PDE11A: variants seen among roughly 807,000 people sequenced by gnomAD.
PDE11A encodes the protein dual 3',5'-cyclic-AMP and -GMP phosphodiesterase 11A.
A neutral mutation model predicts 100.5 loss-of-function variants in PDE11A; 100 were observed. The observed-to-expected ratio is 1.00, with a 90% CI of 0.85 to 1.18. The LOEUF (loss-of-function observed/expected upper bound fraction) is 1.18, where lower values mean the gene tolerates loss of function less well. Ranked by LOEUF, PDE11A falls within the 50% of genes most tolerant of loss-of-function variation. The pLI, the probability that PDE11A is intolerant of heterozygous loss-of-function variation, is 0.00. For missense variants in PDE11A, 1,141 were observed against 1,152.6 expected (o/e 0.99, Z 0.15); for synonymous variants, 381 against 420.8 (o/e 0.91, Z 1.16).
chr2:177,698,759 T>G (rs1020449717), intron 14 of PDE11A, among the ~76,000 whole-genome samples: 14 of 152,190 alleles, frequency 9.2e-5, no homozygotes, highest in African/African-American at 3.1e-4. Context: ...AAATGAGCTC[T>G]TCAGACCCTT....
At chr2:178,076,553 C>T (rs76066020), upstream of PDE11A, among the ~76,000 whole-genome samples, 2,557 of 152,282 alleles carry the variant, frequency 0.017, 72 homozygotes, top group African/African-American at 0.058. Context: ...TTCCATCCCA[C>T]CCTTAGCAAC....
At chr2:178,102,784 G>A (rs2087575548) in intron 2 of PDE11A, among the ~76,000 whole-genome samples, 1 of 152,104 alleles carries the variant, frequency 6.6e-6, no homozygotes, top group Non-Finnish European at 1.5e-5. Context: ...CCCAAATAAA[G>A]ATATGTTGAG....
At chr2:177,815,641 A>G (rs1220224405) in intron 9 of PDE11A, among the ~76,000 whole-genome samples, 1 of 152,210 alleles carries the variant, frequency 6.6e-6, no homozygotes, top group Non-Finnish European at 1.5e-5. Flanking sequence ...AGGCATTGCA[A>G]ATAAAAATCC....
At chr2:178,086,618 C>A (rs2087359107) in intron 2 of PDE11A, among the ~76,000 whole-genome samples, 1 of 151,988 alleles carries the variant, frequency 6.6e-6, no homozygotes. Flanking sequence ...GAAAACAAAC[C>A]AAAACTAAAT....
At chr2:177,977,328 C>T (rs2085822663) in intron 2 of PDE11A, among the ~76,000 whole-genome samples, 1 of 147,802 alleles carries the variant, frequency 6.8e-6, no homozygotes, top group Admixed American at 6.7e-5. Context: ...CATGGGTAAA[C>T]TCCCATTCAC....
At position 177,883,398 on chromosome 2, in the gene PDE11A, A is replaced by C. The variant is rs184534839; in HGVS notation, c.1303-7475T>G. 1.4e-4 allele frequency among the ~76,000 whole-genome samples: 22 copies of C among 152,342 alleles called. No homozygotes were observed. The East Asian group carries it at 3.1e-3, about 21-fold the overall frequency. ...TCAGCATTTATCAAATACTTAGTGCACCAAGCACTGCTATAGGCTCTATAA... is the reference window on the plus strand; with the variant it reads ...TCAGCATTTATCAAATACTTAGTGCCCCAAGCACTGCTATAGGCTCTATAA... On this transcript the variant is annotated intron_variant, in intron 4 of 19. Transcript: ENST00000286063.
rs1333199111 is a variant in PDE11A at position 177,820,314 on chromosome 2, G to C, written c.1501-19C>G. Reference sequence around the variant, plus strand: ...GGTCTGCCTAGGAAACAAGAAAGAAGTTAATTAAAATTGAATATTAACTAT... The same window carrying C: ...GGTCTGCCTAGGAAACAAGAAAGAACTTAATTAAAATTGAATATTAACTAT... On this transcript the variant is annotated intron_variant, in intron 6 of 19. Coordinates refer to ENST00000286063, the MANE Select transcript of PDE11A (RefSeq NM_016953.4). The C allele has an allele frequency of 7.0e-7, 1 of 1,419,112 alleles. No individual in the cohort carries two copies. Among genetic ancestry groups the C allele is most frequent in the South Asian group, 1.2e-5 (1 of 86,284 alleles). 87.9% of individuals were successfully genotyped at this position (1,419,112 alleles called of 1,614,324 possible).
At chr2:177,749,160 C>T (rs981835158) in intron 10 of PDE11A, among the ~76,000 whole-genome samples, 4 of 151,910 alleles carry the variant, frequency 2.6e-5, no homozygotes, top group South Asian at 4.2e-4. Context: ...GAGTATCACC[C>T]ATCTACCATT....
intron 1 of PDE11A, among the ~76,000 whole-genome samples, chr2:178,049,042 T>C (rs2086788284): frequency 6.6e-6 from 1 of 152,224 alleles, no homozygotes. Flanking sequence ...GCATCTACTC[T>C]ACATTTCTCA....
chr2:177,979,193 A>C lies in PDE11A; in HGVS notation c.1071+35109T>G, dbSNP rs539752811. On this transcript the variant is annotated intron_variant, in intron 2 of 19. Coordinates refer to ENST00000286063, the MANE Select transcript of PDE11A (RefSeq NM_016953.4). ...GTGTCTATGGTTCACCATAGCATGC[A>C]TATGTCCCAGATTGCAATCCCTTGC... 2.3e-4 allele frequency among the ~76,000 whole-genome samples: 34 copies of C among 150,640 alleles called. 3 individuals are homozygous for C. Among genetic ancestry groups the C allele is most frequent in the South Asian group, 1.1e-3 (5 of 4,622 alleles).
At chr2:178,038,302 C>G (rs1411282387) in intron 1 of PDE11A, among the ~76,000 whole-genome samples, 1 of 151,926 alleles carries the variant, frequency 6.6e-6, no homozygotes, top group Non-Finnish European at 1.5e-5. Flanking sequence ...CCACCATCCC[C>G]CACCTCAGAT....
At chr2:178,078,169 C>T (rs1330154616) in intron 2 of PDE11A, among the ~76,000 whole-genome samples, 3 of 151,828 alleles carry the variant, frequency 2.0e-5, no homozygotes, top group Non-Finnish European at 2.9e-5. Context: ...ACTTGAAATG[C>T]TCTTCTCCCC....
intron 2 of PDE11A, among the ~76,000 whole-genome samples, chr2:178,090,358 C>A (rs945185538): frequency 1.3e-5 from 2 of 152,144 alleles, no homozygotes; most frequent in Non-Finnish European, 2.9e-5. Context: ...ACATTGCTAT[C>A]GGCAAAGAGA....
intron 5 of PDE11A, among the ~76,000 whole-genome samples, chr2:177,856,405 A>T (rs1310810772): frequency 6.6e-6 from 1 of 152,104 alleles, no homozygotes; most frequent in Admixed American, 6.6e-5. Context: ...GATACAGTAA[A>T]GGATACTCCA....
Position 177,829,085 on chromosome 2 carries a change from T to A in PDE11A, c.1501-8790A>T, listed in dbSNP as rs189893028. Among the ~76,000 whole-genome samples, 784 of 152,150 alleles carry A rather than the reference T, an allele frequency of 5.2e-3. 3 individuals are homozygous for A. The highest frequency in any genetic ancestry group is 7.9e-3 in the Non-Finnish European group (540 of 68,002). On this transcript the variant is annotated intron_variant, in intron 6 of 19. Coordinates refer to ENST00000286063, the MANE Select transcript of PDE11A (RefSeq NM_016953.4). ...GCAATTGGACTTCCTGATGAATTCA[T>A]GTTCAACATCAGAGAAAGGGAGAAT...
chr2:178,029,091 T>C lies in PDE11A; in HGVS notation c.913-14631A>G, dbSNP rs139575984. Among the ~76,000 whole-genome samples, 18 of 152,318 alleles carry C rather than the reference T, an allele frequency of 1.2e-4. No individual in the cohort carries two copies. In the East Asian group the frequency reaches 3.1e-3, roughly 26 times the overall value. On this transcript the variant is annotated intron_variant, in intron 1 of 19. Coordinates refer to ENST00000286063, the MANE Select transcript of PDE11A (RefSeq NM_016953.4). Reference sequence around the variant, plus strand: ...TTATCTTATAGGCATCATTGGATATTGTCTTCCCCACCATAAGCCACCCAT... The same window carrying C: ...TTATCTTATAGGCATCATTGGATATCGTCTTCCCCACCATAAGCCACCCAT...
intron 2 of PDE11A, among the ~76,000 whole-genome samples, chr2:177,985,053 T>A (rs780468978): frequency 5.2e-4 from 79 of 152,226 alleles, no homozygotes; most frequent in Admixed American, 9.8e-4. Flanking sequence ...ACCTTCCAAC[T>A]TCTCTCAGCT....
chr2:177,675,568 C>G (rs2080760111), intron 16 of PDE11A, 50 bp from the exon 17 acceptor site: 3 of 1,306,120 alleles, frequency 2.3e-6, no homozygotes, highest in Non-Finnish European at 3.3e-6. Context: ...TTGTTGCATT[C>G]CTAAACAAAC....
intron 19 of PDE11A, among the ~76,000 whole-genome samples, chr2:177,631,536 TATATATATATAC>T (rs1559117305): frequency 6.4e-4 from 13 of 20,366 alleles, no homozygotes; most frequent in African/African-American, 1.8e-3. Context: ...TATATATATA[TATATATATATAC>T]ACATGTATAT....
Sources: gnomAD v4.1 joint callset for allele counts (sites outside exome capture counted in the v4.1 genomes callset) on GRCh38, gnomAD v4.1.1 for gene constraint, MANE v1.5 for transcripts, NCBI Gene and HGNC (gene_info 2026-07-23, HGNC 2026-07-21) for gene names.